The following FOCAD variants were observed in gnomAD, a reference collection of about 807,000 sequenced individuals.
FOCAD encodes focadhesin.
FOCAD carries 198 observed loss-of-function variants against 225.6 expected under a neutral mutation model. That is an observed-to-expected ratio of 0.88 (90% CI 0.78 to 0.99). The LOEUF is 0.99. FOCAD is among the 50% of genes least tolerant of loss of function. The probability of loss-of-function intolerance (pLI) is 0.00; values close to 1 mark genes in which losing one functional copy is unlikely to be tolerated. For synonymous variants in FOCAD, 897 were observed against 755.0 expected (o/e 1.19, Z -3.08); for missense variants, 2,713 against 2,123.6 (o/e 1.28, Z -5.46).
At chr9:20,937,736 A>C (rs1836146103) in intron 28 of FOCAD, among the ~76,000 whole-genome samples, 2 of 151,784 alleles carry the variant, frequency 1.3e-5, no homozygotes, top group Admixed American at 6.5e-5. Flanking sequence ...AATGGGATCT[A>C]ATTAAACTAA....
intron 5 of FOCAD, among the ~76,000 whole-genome samples, chr9:20,740,804 C>A (rs1467769140): frequency 6.6e-6 from 1 of 152,080 alleles, no homozygotes; most frequent in Non-Finnish European, 1.5e-5. Flanking sequence ...TTTTCTTTGT[C>A]ATCTGTAGAA....
chr9:20,716,414 G>T (rs1198938944), intron 2 of FOCAD, among the ~76,000 whole-genome samples: 1 of 152,092 alleles, frequency 6.6e-6, no homozygotes, highest in Non-Finnish European at 1.5e-5. Flanking sequence ...AAGTAGCAAT[G>T]TAGGCTGATT....
intron 2 of FOCAD, among the ~76,000 whole-genome samples, chr9:20,664,087 A>T (rs1821824397): frequency 1.3e-5 from 2 of 152,060 alleles, no homozygotes; most frequent in African/African-American, 4.8e-5. Flanking sequence ...ATTAATTATT[A>T]ATGAAATGAA....
At chr9:20,727,702 C>T (rs553407067) in intron 4 of FOCAD, among the ~76,000 whole-genome samples, 10 of 152,238 alleles carry the variant, frequency 6.6e-5, no homozygotes, top group African/African-American at 2.2e-4. Context: ...TTATCATTCT[C>T]TTGTTTGCTG....
At chr9:20,949,308 A>C (rs938573971) in intron 32 of FOCAD, among the ~76,000 whole-genome samples, 1 of 152,174 alleles carries the variant, frequency 6.6e-6, no homozygotes, top group Non-Finnish European at 1.5e-5. Context: ...ATATTTTCAC[A>C]GTGGACATAT....
At chr9:20,744,174 A>G (rs1447826409) in intron 5 of FOCAD, among the ~76,000 whole-genome samples, 1 of 152,094 alleles carries the variant, frequency 6.6e-6, no homozygotes, top group East Asian at 1.9e-4. Flanking sequence ...TTGTGGGAGG[A>G]GGAGGGGAAG....
At chr9:20,980,400 C>A (rs575450932) in intron 37 of FOCAD, among the ~76,000 whole-genome samples, 1 of 152,062 alleles carries the variant, frequency 6.6e-6, no homozygotes, top group Non-Finnish European at 1.5e-5. Flanking sequence ...GGTTGGCCTT[C>A]GAAATTTTCC....
intron 10 of FOCAD, among the ~76,000 whole-genome samples, chr9:20,784,046 A>C (rs1482650342): frequency 6.6e-6 from 1 of 152,224 alleles, no homozygotes. Flanking sequence ...AAGGAACTAA[A>C]AAGTCTCCCC....
intron 15 of FOCAD, among the ~76,000 whole-genome samples, chr9:20,860,423 C>G (rs1324397098): frequency 3.9e-5 from 6 of 152,048 alleles, no homozygotes; most frequent in Non-Finnish European, 8.8e-5. Flanking sequence ...TTTCTTCTGC[C>G]CTAGGAGACT....
intron 2 of FOCAD, among the ~76,000 whole-genome samples, chr9:20,664,268 C>G (rs1386618231): frequency 2.0e-5 from 3 of 149,136 alleles, no homozygotes; most frequent in African/African-American, 7.4e-5. Flanking sequence ...ACAAGGTTGA[C>G]TAAGTGATCT....
intron 6 of FOCAD, among the ~76,000 whole-genome samples, 174 bp downstream of exon 6, chr9:20,758,365 T>G (rs1351731088): frequency 6.6e-6 from 1 of 152,058 alleles, no homozygotes; most frequent in African/African-American, 2.4e-5. Context: ...TTTTTAAATT[T>G]AATTTTATTA....
At chr9:20,960,788 A>C (rs118107041) in intron 35 of FOCAD, among the ~76,000 whole-genome samples, 1 of 139,650 alleles carries the variant, frequency 7.2e-6, no homozygotes, top group South Asian at 2.2e-4. Context: ...CCTGTGTCCA[A>C]TGTGTCCAAG....
At chr9:20,928,713 G>A (rs1835185631) in intron 26 of FOCAD, among the ~76,000 whole-genome samples, 1 of 152,106 alleles carries the variant, frequency 6.6e-6, no homozygotes, top group Non-Finnish European at 1.5e-5. Context: ...ATTTTGAATA[G>A]CTGGTTATTG....
chr9:20,752,549 T>C (rs1169075115), intron 5 of FOCAD, among the ~76,000 whole-genome samples: 2 of 152,314 alleles, frequency 1.3e-5, no homozygotes, highest in African/African-American at 4.8e-5. Flanking sequence ...CCATGCTGTT[T>C]TGGTTACTGT....
intron 15 of FOCAD, among the ~76,000 whole-genome samples, chr9:20,823,987 C>T (rs538450899): frequency 5.3e-5 from 8 of 152,120 alleles, no homozygotes; most frequent in South Asian, 2.1e-4. Context: ...ATATTTACGC[C>T]GGATCTTGGT....
At chr9:20,859,029 A>T (rs1011275729) in intron 15 of FOCAD, among the ~76,000 whole-genome samples, 1 of 151,984 alleles carries the variant, frequency 6.6e-6, no homozygotes, top group Non-Finnish European at 1.5e-5. Flanking sequence ...AGAATATTTC[A>T]TTTGCTCCTC....
chr9:20,705,190 G>A (rs1043815731), intron 1 of FOCAD, among the ~76,000 whole-genome samples: 2 of 152,074 alleles, frequency 1.3e-5, no homozygotes, highest in African/African-American at 4.8e-5. Flanking sequence ...GGTTTTAAAA[G>A]ACCTTTTATT....
intron 34 of FOCAD, among the ~76,000 whole-genome samples, chr9:20,951,446 C>T (rs1837679760): frequency 6.6e-6 from 1 of 152,060 alleles, no homozygotes; most frequent in Admixed American, 6.6e-5. Flanking sequence ...GAGTTACATA[C>T]AGAGTTAATT....
At position 20,862,660 on chromosome 9, in the gene FOCAD, G is replaced by A. The variant is rs774037339; in HGVS notation, c.2003G>A (p.Ser668Asn). Residue 668 changes from serine to asparagine, a missense_variant, in exon 16 of 44, where the codon AGT (serine) becomes AAT (asparagine). Coordinates refer to ENST00000338382, the MANE Select transcript of FOCAD (RefSeq NM_001375567.1). ...DTRPLILKTL[S>N]ELFSLVPSLT... ...AGACCTCTCATTCTGAAGACACTGA[G>A]TGAACTATTTTCTCTAGTTCCTTCC... 1.9e-6 allele frequency: 3 copies of A among 1,613,432 alleles called. No homozygotes were observed. The South Asian group carries it at 3.3e-5, about 18-fold the overall frequency.
Sources: gnomAD v4.1 joint callset for allele counts (sites outside exome capture counted in the v4.1 genomes callset) on GRCh38, gnomAD v4.1.1 for gene constraint, MANE v1.5 for transcripts, NCBI Gene and HGNC (gene_info 2026-07-23, HGNC 2026-07-21) for gene names.